The following SPAST variants were observed in gnomAD, a reference collection of about 807,000 sequenced individuals.
SPAST encodes the protein spastic paraplegia 4 (autosomal dominant; spastin).
In SPAST, 30 loss-of-function variants were observed where a neutral mutation model predicts 76.6. The observed-to-expected ratio is 0.39, with a 90% confidence interval of 0.29 to 0.53. The LOEUF is 0.53. SPAST is among the 20% of genes least tolerant of loss of function. SPAST has a pLI of 0.68. For synonymous variants in SPAST, 305 were observed against 281.0 expected (o/e 1.09, Z -0.86); for missense variants, 717 against 770.5 (o/e 0.93, Z 0.82).
intron 7 of SPAST, among the ~76,000 whole-genome samples, chr2:32,126,229 C>CA (rs1017616702): frequency 9.2e-5 from 14 of 152,190 alleles, no homozygotes; most frequent in Non-Finnish European, 1.9e-4. Flanking sequence ...GGTATCCCTT[C>CA]ACAAGTAGGC....
chr2:32,086,602 A>G (rs765556945), intron 1 of SPAST, among the ~76,000 whole-genome samples: 4 of 151,992 alleles, frequency 2.6e-5, no homozygotes, highest in Non-Finnish European at 5.9e-5. Flanking sequence ...TACTTAAATT[A>G]CAAAGATTAG....
intron 1 of SPAST, among the ~76,000 whole-genome samples, chr2:32,076,159 C>T (rs572606101): frequency 4.1e-4 from 63 of 152,008 alleles, no homozygotes; most frequent in Admixed American, 3.8e-3. Flanking sequence ...CCTTGGCCTC[C>T]CAAAGTGCTA....
At position 32,154,727 on chromosome 2, in the gene SPAST, A is replaced by G. The variant is rs1392805363; in HGVS notation, c.*231A>G. 3.3e-5 allele frequency: 17 copies of G among 514,316 alleles called. No individual in the cohort carries two copies. The East Asian group carries it at 6.0e-4, about 18-fold the overall frequency. 31.9% of individuals were successfully genotyped at this position (514,316 alleles called of 1,614,324 possible). A position where few individuals can be genotyped will look rare whatever the true frequency, so the allele number is the denominator to read the frequency against. On this transcript the variant is annotated 3_prime_UTR_variant, in exon 17 of 17. Transcript: ENST00000315285. ...TTGCCTTGATGGTCACAGTTATCCC[A>G]ATGGACACTAAGTTAGAGCACAACA...
chr2:32,068,136 G>A (rs1676598947), intron 1 of SPAST, among the ~76,000 whole-genome samples: 1 of 149,868 alleles, frequency 6.7e-6, no homozygotes, highest in East Asian at 2.0e-4. Flanking sequence ...CCGCCACCAT[G>A]CCCAGCTAAT....
At chr2:32,136,806 A>T (rs1679550103) in intron 10 of SPAST, 71 bp from the exon 11 acceptor site, 1 of 1,302,696 alleles carries the variant, frequency 7.7e-7, no homozygotes, top group Non-Finnish European at 1.1e-6. Context: ...ATAAGTAGTA[A>T]ACTAGATTAA....
At chr2:32,104,028 ATCTG>A (rs2148721800) in intron 4 of SPAST, among the ~76,000 whole-genome samples, 1 of 151,862 alleles carries the variant, frequency 6.6e-6, no homozygotes, top group East Asian at 1.9e-4. Flanking sequence ...TGTCTTGTTG[ATCTG>A]TCTAATATTG....
rs528344410 is a variant in SPAST at position 32,067,348 on chromosome 2, C to T, written c.415+3102C>T. Among the ~76,000 whole-genome samples, 13 of 152,208 alleles carry T rather than the reference C, an allele frequency of 8.5e-5. No individual in the cohort carries two copies. The South Asian group carries it at 2.3e-3, about 27-fold the overall frequency. Reference sequence around the variant, plus strand: ...AAGTGCTGGGATTACAGGTGTGAGCCGCGGTGACCGACCACAAGGAAATTT... The same window carrying T: ...AAGTGCTGGGATTACAGGTGTGAGCTGCGGTGACCGACCACAAGGAAATTT... On this transcript the variant is annotated intron_variant, in intron 1 of 16. Coordinates refer to ENST00000315285, the MANE Select transcript of SPAST (RefSeq NM_014946.4).
Position 32,139,138 on chromosome 2 carries a change from ACT to A in SPAST, c.1493+1953_1493+1954del, listed in dbSNP as rs1344229999. ...GCTTAGGATTGCTTTGTCTATTTGG[ACT>A]CTTTTTTTGCTTCCATATGAATTTT... On this transcript the variant is annotated intron_variant, in intron 12 of 16. Coordinates refer to ENST00000315285, the MANE Select transcript of SPAST (RefSeq NM_014946.4). Among the ~76,000 whole-genome samples, 11 of 151,504 alleles carry A rather than the reference ACT, an allele frequency of 7.3e-5. No individual in the cohort carries two copies. The East Asian group carries it at 7.7e-4, about 11-fold the overall frequency.
At position 32,089,199 on chromosome 2, in the gene SPAST, A is replaced by ATTTTTTT. The variant is rs375585004; in HGVS notation, c.503-310_503-304dup. On this transcript the variant is annotated intron_variant, in intron 2 of 16. Coordinates refer to ENST00000315285, the MANE Select transcript of SPAST (RefSeq NM_014946.4). ...CAACTCACCCTCCCATGCTCGGCTAATTTTTTTTTTTTTTTTTTTAAGTAG... is the reference window on the plus strand; with the variant it reads ...CAACTCACCCTCCCATGCTCGGCTAATTTTTTTTTTTTTTTTTTTTTTTTTTAAGTAG... Among the ~76,000 whole-genome samples the ATTTTTTT allele has an allele frequency of 7.5e-3, 674 of 89,840 alleles. 17 individuals are homozygous for ATTTTTTT. The highest frequency in any genetic ancestry group is 0.026 in the African/African-American group (644 of 24,800). The allele number at this position is 89,840 out of a possible 152,430, so 58.9% of individuals were successfully genotyped here.
intron 12 of SPAST, among the ~76,000 whole-genome samples, chr2:32,138,538 T>C (rs1315813505): frequency 6.6e-6 from 1 of 152,242 alleles, no homozygotes; most frequent in African/African-American, 2.4e-5. Flanking sequence ...TTGTGTGTTT[T>C]TAGCTTGTTC....
At chr2:32,119,828 G>A (rs1157667464) in intron 7 of SPAST, among the ~76,000 whole-genome samples, 4 of 152,054 alleles carry the variant, frequency 2.6e-5, no homozygotes, top group South Asian at 2.1e-4. Context: ...CTAAGAAAGC[G>A]TATATTCTTC....
chr2:32,091,766 G>A (rs1301485697), intron 3 of SPAST, among the ~76,000 whole-genome samples: 2 of 151,682 alleles, frequency 1.3e-5, no homozygotes, highest in Non-Finnish European at 2.9e-5. Flanking sequence ...CCCAGGAGGC[G>A]GAGCTTGCAG....
intron 2 of SPAST, among the ~76,000 whole-genome samples, chr2:32,087,841 G>A (rs1302896519): frequency 5.5e-5 from 8 of 145,280 alleles, no homozygotes; most frequent in Admixed American, 6.9e-5. Flanking sequence ...GACCACAGGC[G>A]CACACTACCA....
In SPAST at chr2:32,063,874, G is replaced by C. The variant is rs1319401583; in HGVS notation, c.43G>C (p.Gly15Arg). The stretch of plus-strand genomic sequence containing the variant: ...ACGAGGGAAGAAGAAAGGCTCCGGC[G>C]GCGCCAGCAACCCGGTGCCTCCCAG... ...GGRGKKKGSG[G>R]ASNPVPPRPP... Residue 15 changes from glycine (G) to arginine (R), a missense_variant, in exon 1 of 17, where the codon GGC (glycine) becomes CGC (arginine). By Grantham distance (125) the Gly-to-Arg change is moderately radical. Around this residue, in one of 3 missense-constraint regions of SPAST, gnomAD observed 543 missense variants for 445.2 expected, o/e 1.22. Transcript: ENST00000315285. 1 of 1,585,518 alleles carries C rather than the reference G, an allele frequency of 6.3e-7. No individual in the cohort carries two copies. Among genetic ancestry groups the C allele is most frequent in the Non-Finnish European group, 8.5e-7 (1 of 1,170,080 alleles).
At chr2:32,143,173 T>C (rs761528889) in intron 13 of SPAST, among the ~76,000 whole-genome samples, 163 bp from the exon 14 acceptor site, 2 of 152,114 alleles carry the variant, frequency 1.3e-5, no homozygotes, top group Middle Eastern at 3.4e-3. Flanking sequence ...GAGGCTGAGA[T>C]GGGAGGATTG....
chr2:32,110,183 A>G (rs1242424766), intron 4 of SPAST, among the ~76,000 whole-genome samples: 3 of 139,744 alleles, frequency 2.1e-5, no homozygotes, highest in East Asian at 4.1e-4. Flanking sequence ...CAGTGGTGCT[A>G]TCTTGGCTTA....
At chr2:32,147,371 G>C in intron 16 of SPAST, 113 bp downstream of exon 16, 1 of 325,698 alleles carries the variant, frequency 3.1e-6, no homozygotes, top group East Asian at 5.9e-5. Context: ...TTTTTTTTTT[G>C]AGACAGTCTG....
chr2:32,101,775 A>G lies in SPAST; in HGVS notation c.682+2884A>G, dbSNP rs1005577676. 4.9e-4 allele frequency among the ~76,000 whole-genome samples: 74 copies of G among 152,316 alleles called. 1 individual carries two copies. Among genetic ancestry groups the G allele is most frequent in the African/African-American group, 1.5e-3 (64 of 41,566 alleles). ...GTTTTTGTCAGGTTTGTCAAAGATC[A>G]CATGGTTGTAGATGTGTGGTATTAT... On this transcript the variant is annotated intron_variant, in intron 4 of 16. Transcript: ENST00000315285.
intron 15 of SPAST, 110 bp from the exon 16 acceptor site, chr2:32,147,108 T>G (rs938008282): frequency 2.7e-5 from 19 of 706,754 alleles, no homozygotes; most frequent in South Asian, 5.0e-5. Flanking sequence ...TTTAATATAA[T>G]GATTTGTACT....
Sources: gnomAD v4.1 joint callset for allele counts (sites outside exome capture counted in the v4.1 genomes callset) on GRCh38, gnomAD v4.1.1 for gene constraint, gnomAD v4.1.1 regional missense constraint, MANE v1.5 for transcripts, NCBI Gene and HGNC (gene_info 2026-07-23, HGNC 2026-07-21) for gene names.